ARHGAP45: variants seen among roughly 807,000 people sequenced by gnomAD.
The protein encoded by ARHGAP45 is Rho GTPase activating protein 45.
In ARHGAP45, 56 loss-of-function variants were observed where a neutral mutation model predicts 116.1. The ratio of observed to expected loss-of-function variants is 0.48; its 90% CI spans 0.39 to 0.60. ARHGAP45 has a LOEUF of 0.60. Ranked by LOEUF, ARHGAP45 falls within the 20% of genes least tolerant of loss-of-function variation. The pLI, the probability that ARHGAP45 is intolerant of heterozygous loss-of-function variation, is 0.00. For missense variants in ARHGAP45, 1,622 were observed against 1,601.0 expected (o/e 1.01, Z -0.22); for synonymous variants, 866 against 701.7 (o/e 1.23, Z -3.70).
At position 1,085,726 on chromosome 19, in the gene ARHGAP45, CGGA is replaced by C; in HGVS notation, c.3134_3136del (p.Glu1045del). 6.2e-7 allele frequency: 1 copy of C among 1,610,676 alleles called. No homozygotes were observed. Among genetic ancestry groups the C allele is most frequent in the Non-Finnish European group, 8.5e-7 (1 of 1,178,920 alleles). ...GAGGCCTCCGAGCTGCTGTCCTCAT[CGGA>C]GGCCAGTGCCCTGGGCCACCTCAGC... is the stretch of plus-strand genomic sequence containing the variant. On this transcript the variant is annotated inframe_deletion, in exon 23 of 23. Coordinates refer to ENST00000313093, the MANE Select transcript of ARHGAP45 (RefSeq NM_012292.5).
intron 8 of ARHGAP45, 102 bp downstream of exon 8, chr19:1,074,509 C>A (rs1390099717): frequency 7.1e-7 from 1 of 1,400,598 alleles, no homozygotes. Flanking sequence ...TTCCCCTCTA[C>A]ATTAACGGGG....
chr19:1,085,703 G>C lies in ARHGAP45; in HGVS notation c.3108G>C (p.Glu1036Asp), dbSNP rs1309799995. The change falls in exon 23 of 23, where the codon GAG (glutamate) becomes GAC (aspartate). Residue 1036 changes from glutamate (E) to aspartate (D), a missense_variant. By Grantham distance (45) the Glu-to-Asp change is conservative. Coordinates refer to ENST00000313093, the MANE Select transcript of ARHGAP45 (RefSeq NM_012292.5). ...VSNDSDSDLE[E>D]ASELLSSSEA... ...ACGATTCGGACTCGGACCTAGAGGA[G>C]GCCTCCGAGCTGCTGTCCTCATCGG... is the stretch of plus-strand genomic sequence containing the variant. 6.2e-7 allele frequency: 1 copy of C among 1,600,480 alleles called. No individual in the cohort carries two copies. Among genetic ancestry groups the C allele is most frequent in the East Asian group, 2.2e-5 (1 of 44,540 alleles).
At chr19:1,070,477 C>T (rs117760583) in intron 2 of ARHGAP45, among the ~76,000 whole-genome samples, 5,080 of 142,352 alleles carry the variant, frequency 0.036, 178 homozygotes, top group East Asian at 0.2. Flanking sequence ...ATTGCAGGGG[C>T]GCGCCACCGT....
rs1477980173 is a variant in ARHGAP45, at chr19:1,081,597, G to A, written c.2238G>A (p.Gln746=). 45 of 1,542,406 alleles carry A rather than the reference G, an allele frequency of 2.9e-5. No homozygotes were observed. Among genetic ancestry groups the A allele is most frequent in the Non-Finnish European group, 3.9e-5 (44 of 1,142,804 alleles). ...AATGTCTGGAGACGCTGGCCATACA[G>A]TGCGGGCACAAGAAGCTGCAAGGCC... The part of the protein sequence containing the change: ...HKKCLETLAI[Q]CGHKKLQGRL... Residue 746 remains glutamine, a synonymous_variant, in exon 18 of 23, where the codon CAG becomes CAA. Coordinates refer to ENST00000313093, the MANE Select transcript of ARHGAP45 (RefSeq NM_012292.5).
chr19:1,077,830 C>T (rs1356408899), intron 10 of ARHGAP45, 27 bp from the exon 11 acceptor site: 8 of 1,551,120 alleles, frequency 5.2e-6, no homozygotes, highest in Non-Finnish European at 6.1e-6. Flanking sequence ...AGGGTTGGAA[C>T]TGGCCTCCTG....
Position 1,068,762 on chromosome 19 carries a change from A to C in ARHGAP45, c.421+18A>C. On this transcript the variant is annotated intron_variant, in intron 2 of 22. Coordinates refer to ENST00000313093, the MANE Select transcript of ARHGAP45 (RefSeq NM_012292.5). This position sits in a 1 kb window ranked among gnomAD's most constrained non-coding sequence, Gnocchi z 7.5. ...GCGTGACGGTGAGAGCCACGGGGAC[A>C]CCGAGGCCTGGGTGGAAGACAGAGC... The C allele has an allele frequency of 6.2e-7, 1 of 1,604,256 alleles. No homozygotes were observed.
chr19:1,066,456 G>A (rs895855373), upstream of ARHGAP45: 3 of 466,210 alleles, frequency 6.4e-6, no homozygotes, highest in Non-Finnish European at 1.2e-5. Context: ...GGGGACCTTA[G>A]CTAAGGGCAG....
At chr19:1,075,030 C>A in intron 10 of ARHGAP45, 151 bp downstream of exon 10, 1 of 485,940 alleles carries the variant, frequency 2.1e-6, no homozygotes, top group Non-Finnish European at 3.0e-6. Context: ...CTGGGCCGCC[C>A]CCCCCAACGC....
intron 22 of ARHGAP45, among the ~76,000 whole-genome samples, 182 bp downstream of exon 22, chr19:1,084,528 A>G (rs977766393): frequency 2.6e-5 from 4 of 152,232 alleles, no homozygotes; most frequent in African/African-American, 7.2e-5. Context: ...AACCGGCTGC[A>G]AAAACAGGCA....
intron 10 of ARHGAP45, among the ~76,000 whole-genome samples, chr19:1,076,041 G>T (rs2043240378): frequency 6.6e-6 from 1 of 152,076 alleles, no homozygotes; most frequent in Non-Finnish European, 1.5e-5. Context: ...TTTTTCGGCT[G>T]TGCAGGGCTC....
chr19:1,074,948 A>T, intron 10 of ARHGAP45, 69 bp downstream of exon 10: 1 of 1,337,108 alleles, frequency 7.5e-7, no homozygotes, highest in Admixed American at 3.4e-5. Flanking sequence ...TCCCAGCCCC[A>T]GCCCCATAGC....
chr19:1,074,261 C>A lies in ARHGAP45; in HGVS notation c.928+20C>A, dbSNP rs570931229. 1.7e-4 allele frequency: 272 copies of A among 1,612,130 alleles called. 1 individual carries two copies. In the South Asian group the frequency reaches 2.9e-3, roughly 17 times the overall value. On this transcript the variant is annotated intron_variant, in intron 7 of 22. Transcript: ENST00000313093. ...CGCTGGGTGAGAGCTGGTGTCCCAG[C>A]AGGGTGGGTCTGGAGGGAGGGGGTT...
upstream of ARHGAP45, chr19:1,066,023 G>A (rs147064427): frequency 2.3e-4 from 354 of 1,535,358 alleles, no homozygotes; most frequent in African/African-American, 3.3e-3. Context: ...AGCCCTCAGC[G>A]CCATGAGTCG....
At position 1,067,505 on chromosome 19, in the gene ARHGAP45, G is replaced by C. The variant is rs1322770170; in HGVS notation, c.90+10G>C. The C allele has an allele frequency of 1.3e-6, 2 of 1,587,952 alleles. No homozygotes were observed. Among genetic ancestry groups the C allele is most frequent in the Non-Finnish European group, 1.7e-6 (2 of 1,168,006 alleles). On this transcript the variant is annotated intron_variant, in intron 1 of 22. Transcript: ENST00000313093. ...CCCGCAGCCCTCGGGGGTGAGTGGA[G>C]CCCGGGTGAGACCCGGAGCTGACGC...
chr19:1,085,740 C>T lies in ARHGAP45; in HGVS notation c.3145C>T (p.Leu1049=), dbSNP rs755619847. The T allele has an allele frequency of 1.2e-5, 20 of 1,612,190 alleles. No homozygotes were observed. The highest frequency in any genetic ancestry group is 5.1e-6 in the Non-Finnish European group (6 of 1,179,700). ...ELLSSSEASA[L]GHLSFLEQQQ... is the part of the protein sequence containing the mutation. Reference sequence around the variant, plus strand: ...GCTGTCCTCATCGGAGGCCAGTGCCCTGGGCCACCTCAGCTTCCTGGAGCA... The same window carrying T: ...GCTGTCCTCATCGGAGGCCAGTGCCTTGGGCCACCTCAGCTTCCTGGAGCA... Residue 1049 remains leucine (L), a synonymous_variant, in exon 23 of 23, where the codon CTG becomes TTG. Coordinates refer to ENST00000313093, the MANE Select transcript of ARHGAP45 (RefSeq NM_012292.5).
At chr19:1,067,673 C>A (rs990026054) in intron 1 of ARHGAP45, 178 bp downstream of exon 1, 2 of 725,070 alleles carry the variant, frequency 2.8e-6, no homozygotes, top group South Asian at 2.9e-5. Flanking sequence ...ATTCAGCTCA[C>A]GGTAGGGACC....
chr19:1,073,492 T>C lies in ARHGAP45; in HGVS notation c.566-14T>C. 6.2e-7 allele frequency: 1 copy of C among 1,613,274 alleles called. No individual in the cohort carries two copies. ...GAGTGGGCCCACCTCCTTGTCCTTA[T>C]CTCTGCTTCCCAGCCTTCCATTATG... On this transcript the variant is annotated splice_polypyrimidine_tract_variant and intron_variant, in intron 3 of 22. Coordinates refer to ENST00000313093, the MANE Select transcript of ARHGAP45 (RefSeq NM_012292.5).
At chr19:1,083,453 G>A in intron 21 of ARHGAP45, 100 bp downstream of exon 21, 1 of 1,116,540 alleles carries the variant, frequency 9.0e-7, no homozygotes, top group Non-Finnish European at 1.3e-6. Context: ...AGGAACCACA[G>A]GGAGATAATT....
In ARHGAP45 at chr19:1,068,545, G is replaced by A. The variant is rs761146622; in HGVS notation, c.222G>A (p.Ala74=). Reference sequence around the variant, plus strand: ...CCAGCCTGAGCCGCCACGCCAGCGCGGCTGGCTTCCCCCTGTCGGGTGCTG... The same window carrying A: ...CCAGCCTGAGCCGCCACGCCAGCGCAGCTGGCTTCCCCCTGTCGGGTGCTG... ...RPTSLSRHAS[A]AGFPLSGAAS... is the part of the protein sequence containing the mutation. The change falls in exon 2 of 23, where the codon GCG becomes GCA. Residue 74 remains alanine (A), a synonymous_variant. Coordinates refer to ENST00000313093, the MANE Select transcript of ARHGAP45 (RefSeq NM_012292.5). This position sits in a 1 kb window ranked among gnomAD's most constrained non-coding sequence, Gnocchi z 7.5. The A allele has an allele frequency of 2.4e-5, 38 of 1,608,938 alleles. No homozygotes were observed. Among genetic ancestry groups the A allele is most frequent in the Middle Eastern group, 1.7e-4 (1 of 5,852 alleles).
Sources: allele counts gnomAD v4.1 joint callset (sites outside exome capture counted in the v4.1 genomes callset), GRCh38; gene constraint gnomAD v4.1.1; non-coding constraint Gnocchi (gnomAD v3.1); transcripts MANE v1.5; gene names NCBI Gene and HGNC (gene_info 2026-07-23, HGNC 2026-07-21).